TOPBP1: variants seen among roughly 807,000 people sequenced by gnomAD.
TOPBP1 encodes the protein DNA topoisomerase 2-binding protein 1.
A neutral mutation model predicts 167.7 loss-of-function variants in TOPBP1; 28 were observed. The observed-to-expected ratio is 0.17, with a 90% CI of 0.12 to 0.23. TOPBP1 has a LOEUF of 0.23. Ranked by LOEUF, TOPBP1 falls within the 10% of genes least tolerant of loss-of-function variation. The pLI, the probability that TOPBP1 is intolerant of heterozygous loss-of-function variation, is 1.00. For synonymous variants in TOPBP1, 598 were observed against 611.4 expected (o/e 0.98, Z 0.32); for missense variants, 1,554 against 1,809.6 (o/e 0.86, Z 2.56).
At chr3:133,629,798 T>C (rs1289369324) in intron 14 of TOPBP1, among the ~76,000 whole-genome samples, 1 of 152,160 alleles carries the variant, frequency 6.6e-6, no homozygotes, top group African/African-American at 2.4e-5. Context: ...TATATATATA[T>C]ATTTTTGAGA....
intron 14 of TOPBP1, among the ~76,000 whole-genome samples, chr3:133,633,726 G>A (rs142764485): frequency 6.6e-6 from 1 of 152,176 alleles, no homozygotes; most frequent in African/African-American, 2.4e-5. Context: ...CAGAGGTCAA[G>A]GCTATAATGG....
rs1935733207 is a variant in TOPBP1, at chr3:133,637,931, G to A, written c.2465C>T (p.Thr822Ile). The change falls in exon 14 of 28, where the codon ACA (threonine) becomes ATA (isoleucine). Residue 822 changes from threonine to isoleucine, a missense_variant. By Grantham distance (89) the Thr-to-Ile change is moderately conservative (BLOSUM62 -1). Around this residue, in one of 3 missense-constraint regions of TOPBP1, gnomAD observed 1,197 missense variants for 1,351.5 expected, o/e 0.89. Transcript: ENST00000260810. ...GTCCTTGGACAGGAATTTTGATGGT[G>A]TATCCAGGTGTAACGAGGGCTCCTT... ...LQKEPSLHLD[T>I]PSKFLSKDKL... is the part of the protein sequence containing the mutation. 6.2e-7 allele frequency: 1 copy of A among 1,613,964 alleles called. No homozygotes were observed. The highest frequency in any genetic ancestry group is 2.2e-5 in the East Asian group (1 of 44,886).
intron 10 of TOPBP1, among the ~76,000 whole-genome samples, chr3:133,647,885 T>A (rs1936135580): frequency 6.6e-6 from 1 of 152,052 alleles, no homozygotes; most frequent in Non-Finnish European, 1.5e-5. Context: ...ACAGGTTAAG[T>A]GACCTATATG....
At chr3:133,623,268 C>T (rs1457865086) in intron 18 of TOPBP1, 43 bp downstream of exon 18, 1 of 1,612,452 alleles carries the variant, frequency 6.2e-7, no homozygotes, top group South Asian at 1.1e-5. Flanking sequence ...ATGATTATAC[C>T]TTTAGCTTAA....
At chr3:133,636,800 AAAG>A (rs1460518749) in intron 14 of TOPBP1, among the ~76,000 whole-genome samples, 1 of 152,192 alleles carries the variant, frequency 6.6e-6, no homozygotes, top group Non-Finnish European at 1.5e-5. Context: ...AGTAGGAGGC[AAAG>A]AAGAGGCTTG....
At chr3:133,601,471 A>C in intron 27 of TOPBP1, 78 bp from the exon 28 acceptor site, 1 of 1,132,798 alleles carries the variant, frequency 8.8e-7, no homozygotes, top group Admixed American at 3.4e-5. Context: ...TTTTCTTTAA[A>C]TCTCAGACCT....
chr3:133,630,577 T>G (rs1276171888), intron 14 of TOPBP1, among the ~76,000 whole-genome samples: 1 of 151,834 alleles, frequency 6.6e-6, no homozygotes, highest in Non-Finnish European at 1.5e-5. Context: ...GGATTACAGG[T>G]GTGAGTCACG....
rs1934713254 is a variant in TOPBP1, at chr3:133,612,429, G to A, written c.3995C>T (p.Ser1332Phe). 1 of 1,613,936 alleles carries A rather than the reference G, an allele frequency of 6.2e-7. No homozygotes were observed. The highest frequency in any genetic ancestry group is 8.5e-7 in the Non-Finnish European group (1 of 1,179,858). ...VAAGKWVLHR[S>F]YLEACRTAGH... is the part of the protein sequence containing the mutation. ...AGCAGTCCTGCAGGCTTCAAGGTAG[G>A]AGCGATGAAGCACCCACTTCCCAGC... Residue 1332 changes from serine (S) to phenylalanine (F), a missense_variant, in exon 24 of 28, where the codon TCC becomes TTC. Around this residue, in one of 3 missense-constraint regions of TOPBP1, gnomAD observed 351 missense variants for 432.9 expected, o/e 0.81. Transcript: ENST00000260810.
At chr3:133,648,836 C>T (rs1471012238) in intron 10 of TOPBP1, among the ~76,000 whole-genome samples, 1 of 151,286 alleles carries the variant, frequency 6.6e-6, no homozygotes, top group South Asian at 2.1e-4. Context: ...TTGTTTTATT[C>T]GAGGTAGATT....
chr3:133,647,254 A>G (rs1204027616), intron 10 of TOPBP1, among the ~76,000 whole-genome samples: 1 of 152,252 alleles, frequency 6.6e-6, no homozygotes, highest in Non-Finnish European at 1.5e-5. Flanking sequence ...TCCTCAAAGT[A>G]GGTTTGGGTA....
chr3:133,653,567 C>A (rs766219319), intron 6 of TOPBP1, 43 bp from the exon 7 acceptor site: 1 of 1,412,970 alleles, frequency 7.1e-7, no homozygotes. Context: ...ATAGGAGAAA[C>A]CAAGAAATGA....
intron 6 of TOPBP1, among the ~76,000 whole-genome samples, chr3:133,654,609 A>C (rs1308107862): frequency 1.3e-5 from 2 of 152,248 alleles, no homozygotes; most frequent in African/African-American, 4.8e-5. Flanking sequence ...ATACATATAA[A>C]GGGCAATAAT....
chr3:133,602,851 G>A (rs1051762246), intron 27 of TOPBP1, among the ~76,000 whole-genome samples: 3 of 151,384 alleles, frequency 2.0e-5, no homozygotes, highest in African/African-American at 7.3e-5. Flanking sequence ...GACAGGGGAA[G>A]CAAATGAACC....
intron 13 of TOPBP1, among the ~76,000 whole-genome samples, chr3:133,639,639 G>A (rs1576303789): frequency 1.3e-5 from 2 of 152,162 alleles, no homozygotes; most frequent in East Asian, 3.8e-4. Flanking sequence ...CAGGGAAAGT[G>A]GTATCTTAGC....
At chr3:133,604,403 T>C (rs945214723) in intron 27 of TOPBP1, among the ~76,000 whole-genome samples, 1 of 151,742 alleles carries the variant, frequency 6.6e-6, no homozygotes, top group Non-Finnish European at 1.5e-5. Context: ...TCCTAAACTG[T>C]TGAGATTACA....
intron 16 of TOPBP1, among the ~76,000 whole-genome samples, chr3:133,626,720 C>A (rs963078002): frequency 5.9e-5 from 9 of 152,146 alleles, no homozygotes; most frequent in Admixed American, 3.3e-4. Context: ...CTAGTGTAGT[C>A]AGCCTTAGGC....
intron 27 of TOPBP1, among the ~76,000 whole-genome samples, chr3:133,604,856 T>G (rs1217937423): frequency 4.0e-5 from 6 of 151,558 alleles, no homozygotes; most frequent in African/African-American, 1.5e-4. Flanking sequence ...GAGGTGGAGG[T>G]TGCAGTGAGC....
At chr3:133,640,852 C>T (rs1935869973) in intron 12 of TOPBP1, among the ~76,000 whole-genome samples, 1 of 152,124 alleles carries the variant, frequency 6.6e-6, no homozygotes, top group South Asian at 2.1e-4. Flanking sequence ...AGCATTTCTA[C>T]ATATTATCTC....
At position 133,644,116 on chromosome 3, in the gene TOPBP1, G is replaced by T; in HGVS notation, c.1752C>A (p.Ser584=). ...IIKENAGKIM[S]LLSRTVADYA... is the part of the protein sequence containing the mutation. The stretch of plus-strand genomic sequence containing the variant: ...AATCCGCAACAGTTCTGCTCAGAAG[G>T]GACATGATTTTCCCAGCATTTTCTT... The change falls in exon 11 of 28, where the codon TCC becomes TCA. Residue 584 remains serine, a synonymous_variant. Transcript: ENST00000260810. 6.2e-7 allele frequency: 1 copy of T among 1,613,894 alleles called. No individual in the cohort carries two copies.
Sources: allele counts gnomAD v4.1 joint callset (sites outside exome capture counted in the v4.1 genomes callset), GRCh38; gene constraint gnomAD v4.1.1; regional missense constraint gnomAD v4.1.1; transcripts MANE v1.5; gene names NCBI Gene and HGNC (gene_info 2026-07-23, HGNC 2026-07-21).